RAB3IL1: variants seen among roughly 807,000 people sequenced by gnomAD.
The protein encoded by RAB3IL1 is RAB3A interacting protein like 1, also known as guanine nucleotide exchange factor for Rab-3A.
RAB3IL1 carries 37 observed loss-of-function variants against 49.2 expected under a neutral mutation model. The observed-to-expected ratio is 0.75, with a 90% CI of 0.58 to 0.99. The LOEUF is 0.99. Among genes scored for constraint, RAB3IL1 ranks in the 50% least tolerant of loss-of-function variants. The pLI is 0.00. For synonymous variants in RAB3IL1, 193 were observed against 213.9 expected (o/e 0.90, Z 0.85); for missense variants, 484 against 513.0 (o/e 0.94, Z 0.55).
At position 61,906,944 on chromosome 11, in the gene RAB3IL1, T is replaced by C. The variant is rs1565361987; in HGVS notation, c.439-260A>G. 6.6e-6 allele frequency among the ~76,000 whole-genome samples: 1 copy of C among 152,254 alleles called. No individual in the cohort carries two copies. The highest frequency in any genetic ancestry group is 1.9e-4 in the East Asian group (1 of 5,198). ...CTGTTAGGAACAAGTGTCTGGGAGC[T>C]GGCTGGGCCTCCCATGAGAGTTCTG... is the stretch of plus-strand genomic sequence containing the variant. On this transcript the variant is annotated intron_variant, in intron 4 of 9. Coordinates refer to ENST00000394836, the MANE Select transcript of RAB3IL1 (RefSeq NM_013401.4). This position sits in a 1 kb window ranked among gnomAD's most constrained non-coding sequence, Gnocchi z 4.6.
chr11:61,918,189 C>T (rs1055845647), upstream of RAB3IL1, among the ~76,000 whole-genome samples: 1 of 152,070 alleles, frequency 6.6e-6, no homozygotes, highest in African/African-American at 2.4e-5. Flanking sequence ...GGTCCCACAT[C>T]CTCCGTGAAA....
chr11:61,925,965 A>T, the RAB3IL1 span, among the ~76,000 whole-genome samples: 1 of 152,206 alleles, frequency 6.6e-6, no homozygotes, highest in Non-Finnish European at 1.5e-5. Flanking sequence ...GTGCATAAAA[A>T]ATAGAAGTGA....
chr11:61,934,351 CATATGTAT>C, the RAB3IL1 span, among the ~76,000 whole-genome samples: 1 of 91,264 alleles, frequency 1.1e-5, no homozygotes, highest in African/African-American at 3.3e-5. Flanking sequence ...CACACACACA[CATATGTAT>C]ATATATACAC....
At chr11:61,934,426 A>ATT in the RAB3IL1 span, among the ~76,000 whole-genome samples, 2 of 41,826 alleles carry the variant, frequency 4.8e-5, no homozygotes, top group African/African-American at 8.5e-5. Context: ...ATATATGTGT[A>ATT]TGTGTGTGTG....
intron 5 of RAB3IL1, among the ~76,000 whole-genome samples, chr11:61,905,544 G>A (rs183431067): frequency 2.0e-5 from 3 of 152,204 alleles, no homozygotes; most frequent in South Asian, 2.1e-4. Context: ...GGGCTGGGCC[G>A]GATGGACAGA....
chr11:61,916,842 C>T (rs544928752), intron 1 of RAB3IL1, among the ~76,000 whole-genome samples: 22 of 148,398 alleles, frequency 1.5e-4, no homozygotes, highest in African/African-American at 4.9e-4. Flanking sequence ...GGGGCCGGGG[C>T]GGGGGGGGTT....
chr11:61,917,645 G>C (rs1195361131), upstream of RAB3IL1: 1 of 892,582 alleles, frequency 1.1e-6, no homozygotes, highest in Non-Finnish European at 1.4e-6. Context: ...TCCGGCGCGC[G>C]CTCCCAAGGC....
the RAB3IL1 span, among the ~76,000 whole-genome samples, chr11:61,934,891 A>C: frequency 1.3e-5 from 2 of 152,292 alleles, no homozygotes; most frequent in East Asian, 3.9e-4. Flanking sequence ...TATACACAAG[A>C]AAAAATACAG....
At chr11:61,913,626 AG>A (rs1425077159) in intron 1 of RAB3IL1, among the ~76,000 whole-genome samples, 1 of 152,118 alleles carries the variant, frequency 6.6e-6, no homozygotes, top group African/African-American at 2.4e-5. Context: ...ACTCTTCTAC[AG>A]GGCTGGGCAC....
chr11:61,915,478 G>C (rs1307367271), intron 1 of RAB3IL1, among the ~76,000 whole-genome samples: 1 of 152,108 alleles, frequency 6.6e-6, no homozygotes, highest in Non-Finnish European at 1.5e-5. Context: ...ATTTTACCTA[G>C]AGGCCCAGAG....
the RAB3IL1 span, among the ~76,000 whole-genome samples, chr11:61,937,730 A>T: frequency 6.6e-6 from 1 of 152,198 alleles, no homozygotes; most frequent in Admixed American, 6.6e-5. Context: ...GGCAATAATG[A>T]AGGAGTTGAG....
chr11:61,944,250 C>CCTTCCTTCCTTCCTTT, the RAB3IL1 span, among the ~76,000 whole-genome samples: 141 of 150,204 alleles, frequency 9.4e-4, 1 homozygote, highest in Middle Eastern at 3.4e-3. Context: ...TTCCTTCCTT[C>CCTTCCTTCCTTCCTTT]CTTCCTTCCT....
the RAB3IL1 span, among the ~76,000 whole-genome samples, chr11:61,926,458 T>C: frequency 6.6e-6 from 1 of 152,150 alleles, no homozygotes; most frequent in Non-Finnish European, 1.5e-5. Flanking sequence ...TGATCCCCAA[T>C]GTTGGAGGTG....
intron 1 of RAB3IL1, among the ~76,000 whole-genome samples, chr11:61,910,749 A>G (rs1454592964): frequency 6.6e-6 from 1 of 152,214 alleles, no homozygotes; most frequent in Non-Finnish European, 1.5e-5. Flanking sequence ...CCTGTCTGGC[A>G]CAGACACTGT....
chr11:61,917,557 G>C lies in RAB3IL1; in HGVS notation c.-190C>G. 9.1e-7 allele frequency: 1 copy of C among 1,096,490 alleles called. No homozygotes were observed. Among genetic ancestry groups the C allele is most frequent in the Non-Finnish European group, 1.1e-6 (1 of 903,416 alleles). The allele number at this position is 1,096,490 out of a possible 1,614,324, so 67.9% of individuals were successfully genotyped here. A position where few individuals can be genotyped will look rare whatever the true frequency, so the allele number is the denominator to read the frequency against. ...CCAGCCCAGCCCCGACCCTGCCCTG[G>C]GCGGGTCACGTGGCGGAGGGGGGAG... On this transcript the variant is annotated 5_prime_UTR_variant, in exon 1 of 10. Transcript: ENST00000394836.
upstream of RAB3IL1, among the ~76,000 whole-genome samples, chr11:61,922,962 G>T (rs895942012): frequency 6.6e-6 from 1 of 152,226 alleles, no homozygotes; most frequent in Non-Finnish European, 1.5e-5. Context: ...TGAAGGGTGG[G>T]GGTCTCCCCA....
At chr11:61,930,094 C>T in the RAB3IL1 span, among the ~76,000 whole-genome samples, 6 of 151,726 alleles carry the variant, frequency 4.0e-5, no homozygotes, top group Non-Finnish European at 8.8e-5. Flanking sequence ...CAGGGTTTTG[C>T]CACGTTGCCC....
At chr11:61,932,371 TG>T in the RAB3IL1 span, among the ~76,000 whole-genome samples, 5 of 152,236 alleles carry the variant, frequency 3.3e-5, no homozygotes, top group Admixed American at 6.5e-5. Context: ...CTGGACATGG[TG>T]GCTCACATCT....
At chr11:61,903,491 C>G (rs568417353) in intron 7 of RAB3IL1, among the ~76,000 whole-genome samples, 1 of 152,146 alleles carries the variant, frequency 6.6e-6, no homozygotes, top group South Asian at 2.1e-4. Flanking sequence ...CTCTGATGGA[C>G]CAGAGAGCCT....
Sources: gnomAD v4.1 joint callset for allele counts (sites outside exome capture counted in the v4.1 genomes callset) on GRCh38, gnomAD v4.1.1 for gene constraint, Gnocchi (gnomAD v3.1) non-coding constraint, MANE v1.5 for transcripts, NCBI Gene and HGNC (gene_info 2026-07-23, HGNC 2026-07-21) for gene names.